RAB38: variants seen among roughly 807,000 people sequenced by gnomAD.
The protein encoded by RAB38 is RAB38, member RAS oncogene family, also known as ras-related protein Rab-38.
RAB38 carries 15 observed loss-of-function variants against 18.4 expected under a neutral mutation model. That is an observed-to-expected ratio of 0.82 (90% CI 0.55 to 1.26). The LOEUF (loss-of-function observed/expected upper bound fraction) is 1.26. Ranked by LOEUF, RAB38 falls within the 50% of genes most tolerant of loss-of-function variation. The pLI is 0.00. For missense variants in RAB38, 294 were observed against 267.4 expected, an observed-to-expected ratio of 1.10 and a Z score of -0.69; for synonymous variants, 101 against 104.4, an observed-to-expected ratio of 0.97 and a Z score of 0.20.
At chr11:87,921,402 G>T in the RAB38 span, among the ~76,000 whole-genome samples, 1 of 151,874 alleles carries the variant, frequency 6.6e-6, no homozygotes, top group South Asian at 2.1e-4. Flanking sequence ...CCAACCGTAG[G>T]CTTATATGAG....
chr11:87,958,584 T>C, the RAB38 span, among the ~76,000 whole-genome samples: 1 of 152,120 alleles, frequency 6.6e-6, no homozygotes, highest in African/African-American at 2.4e-5. Flanking sequence ...CTAGTGTCTT[T>C]TGTGAGGGAA....
the RAB38 span, among the ~76,000 whole-genome samples, chr11:87,964,015 CA>C: frequency 6.6e-6 from 1 of 152,092 alleles, no homozygotes. Flanking sequence ...GAAAAACACA[CA>C]AAAATCAAAG....
chr11:88,079,807 C>T, the RAB38 span, among the ~76,000 whole-genome samples: 1 of 151,296 alleles, frequency 6.6e-6, no homozygotes, highest in Non-Finnish European at 1.5e-5. Context: ...ATAGTAATCT[C>T]GGTAGATGCA....
At chr11:88,129,607 C>A (rs1343730498) in intron 2 of RAB38, among the ~76,000 whole-genome samples, 1 of 152,062 alleles carries the variant, frequency 6.6e-6, no homozygotes, top group Non-Finnish European at 1.5e-5. Context: ...TCGTGCCACT[C>A]AACTGCAGTC....
At chr11:87,976,437 T>A in the RAB38 span, among the ~76,000 whole-genome samples, 1 of 132,830 alleles carries the variant, frequency 7.5e-6, no homozygotes, top group African/African-American at 2.7e-5. Context: ...TATGCATTTA[T>A]ATTTTTTATA....
At chr11:87,820,309 G>A in the RAB38 span, among the ~76,000 whole-genome samples, 1 of 152,198 alleles carries the variant, frequency 6.6e-6, no homozygotes, top group Non-Finnish European at 1.5e-5. Context: ...CCTCGGGAGT[G>A]TAAGGACCTC....
the RAB38 span, among the ~76,000 whole-genome samples, chr11:87,845,633 G>A: frequency 6.6e-5 from 10 of 152,096 alleles, no homozygotes; most frequent in South Asian, 4.1e-4. Flanking sequence ...AAAATTCAAC[G>A]TATATGGCTG....
At chr11:87,849,572 C>T in the RAB38 span, among the ~76,000 whole-genome samples, 1 of 152,124 alleles carries the variant, frequency 6.6e-6, no homozygotes, top group East Asian at 1.9e-4. Flanking sequence ...CTGTACCTCC[C>T]TAAAATAATA....
the RAB38 span, among the ~76,000 whole-genome samples, chr11:88,015,505 A>G: frequency 6.6e-6 from 1 of 152,140 alleles, no homozygotes; most frequent in Non-Finnish European, 1.5e-5. Context: ...ATAATAAGTG[A>G]TCGATAGGTA....
At chr11:87,974,602 G>T in the RAB38 span, among the ~76,000 whole-genome samples, 1 of 151,508 alleles carries the variant, frequency 6.6e-6, no homozygotes. Context: ...CTCAAATATA[G>T]CAAAAATTGT....
chr11:87,977,953 A>G, the RAB38 span, among the ~76,000 whole-genome samples: 1 of 112,470 alleles, frequency 8.9e-6, no homozygotes, highest in Non-Finnish European at 1.7e-5. Flanking sequence ...TATTAATATA[A>G]TATATAAATA....
chr11:87,968,204 A>G, the RAB38 span, among the ~76,000 whole-genome samples: 5 of 151,596 alleles, frequency 3.3e-5, no homozygotes, highest in Admixed American at 2.0e-4. Flanking sequence ...CTTATGTTAT[A>G]AATTTGGTTT....
chr11:88,108,358 T>C (rs34874432), downstream of RAB38, among the ~76,000 whole-genome samples: 5,513 of 152,312 alleles, frequency 0.036, 146 homozygotes, highest in Middle Eastern at 0.078. Flanking sequence ...CATTGATCCC[T>C]TTACCATTAT....
chr11:88,058,314 A>C, the RAB38 span, among the ~76,000 whole-genome samples: 3 of 152,164 alleles, frequency 2.0e-5, no homozygotes, highest in Non-Finnish European at 4.4e-5. Flanking sequence ...ACCTAGAGGA[A>C]CAAATGAACA....
the RAB38 span, among the ~76,000 whole-genome samples, chr11:88,071,008 G>A: frequency 6.6e-6 from 1 of 152,064 alleles, no homozygotes; most frequent in Admixed American, 6.5e-5. Context: ...AAAATGACTG[G>A]GAGCCTAAGA....
At chr11:87,893,396 T>A in the RAB38 span, among the ~76,000 whole-genome samples, 73 of 4,310 alleles carry the variant, frequency 0.017, no homozygotes, top group African/African-American at 0.051. Flanking sequence ...ATATATTTTT[T>A]TTTTACATAG....
chr11:88,106,216 C>T, the RAB38 span, among the ~76,000 whole-genome samples: 1 of 152,058 alleles, frequency 6.6e-6, no homozygotes, highest in Non-Finnish European at 1.5e-5. Context: ...ATATATTAAG[C>T]ACTATGCATT....
At chr11:87,824,782 C>T in the RAB38 span, among the ~76,000 whole-genome samples, 10 of 152,056 alleles carry the variant, frequency 6.6e-5, no homozygotes, top group African/African-American at 1.2e-4. Context: ...CAGGAGATTT[C>T]TATGCAGAAG....
At chr11:88,137,285 T>C (rs997663653) in intron 2 of RAB38, among the ~76,000 whole-genome samples, 2 of 152,056 alleles carry the variant, frequency 1.3e-5, no homozygotes, top group African/African-American at 2.4e-5. Context: ...CAACATAAAA[T>C]AGAAGAACAA....
Sources: gnomAD v4.1 joint callset for allele counts (sites outside exome capture counted in the v4.1 genomes callset) on GRCh38, gnomAD v4.1.1 for gene constraint, MANE v1.5 for transcripts, NCBI Gene and HGNC (gene_info 2026-07-23, HGNC 2026-07-21) for gene names.